PCDH17: variants seen among roughly 807,000 people sequenced by gnomAD.
PCDH17 encodes protocadherin-17.
A neutral mutation model predicts 67.7 loss-of-function variants in PCDH17; 21 were observed. The observed-to-expected ratio is 0.31, with a 90% CI of 0.22 to 0.45. PCDH17 has a LOEUF of 0.45. PCDH17 is among the 20% of genes least tolerant of loss of function. The probability of loss-of-function intolerance (pLI) is 1.00; values close to 1 mark genes in which losing one functional copy is unlikely to be tolerated. For missense variants in PCDH17, 1,471 were observed against 1,564.8 expected (o/e 0.94, Z 1.01); for synonymous variants, 701 against 656.7 (o/e 1.07, Z -1.03).
At chr13:57,670,225 T>C (rs1955302912) in intron 3 of PCDH17, among the ~76,000 whole-genome samples, 1 of 151,966 alleles carries the variant, frequency 6.6e-6, no homozygotes, top group South Asian at 2.1e-4. Context: ...ATCAATGTAT[T>C]TATTTATTCT....
At chr13:57,722,490 G>T in intron 3 of PCDH17, among the ~76,000 whole-genome samples, 1 of 152,036 alleles carries the variant, frequency 6.6e-6, no homozygotes. Flanking sequence ...TTGTTGAAAT[G>T]ATTTTTTTAA....
At chr13:57,714,232 G>A (rs955630999) in intron 3 of PCDH17, among the ~76,000 whole-genome samples, 2 of 151,566 alleles carry the variant, frequency 1.3e-5, no homozygotes, top group African/African-American at 2.4e-5. Context: ...CTTGTTTCTA[G>A]CAATGGAAAA....
At chr13:57,661,506 G>T (rs1955183473) in intron 1 of PCDH17, among the ~76,000 whole-genome samples, 1 of 152,158 alleles carries the variant, frequency 6.6e-6, no homozygotes, top group East Asian at 1.9e-4. Context: ...ATCATGCTTT[G>T]ATATTGTCTA....
intron 1 of PCDH17, among the ~76,000 whole-genome samples, chr13:57,659,435 A>G (rs1203540058): frequency 6.6e-6 from 1 of 152,038 alleles, no homozygotes; most frequent in East Asian, 1.9e-4. Flanking sequence ...TTTACCATAC[A>G]CTCATCCAGT....
chr13:57,724,622 G>C lies in PCDH17; in HGVS notation c.2808G>C (p.Glu936Asp). The stretch of plus-strand genomic sequence containing the variant: ...TCTTTTGTTTTGCAGAACCAGAAGA[G>C]TGTGTTAATTGCACAGATGAATGCC... ...KSQPLEQEPEECVNCTDECRV... is the reference protein window; with the variant it reads ...KSQPLEQEPEDCVNCTDECRV... Residue 936 changes from glutamate to aspartate, a missense_variant, in exon 4 of 4, where the codon GAG (glutamate) becomes GAC (aspartate). Glu to Asp is a conservative substitution (Grantham distance 45, BLOSUM62 2). Coordinates refer to ENST00000377918, the MANE Select transcript of PCDH17 (RefSeq NM_001040429.3). 2 of 1,609,714 alleles carry C rather than the reference G, an allele frequency of 1.2e-6. No individual in the cohort carries two copies. Among genetic ancestry groups the C allele is most frequent in the Non-Finnish European group, 1.7e-6 (2 of 1,176,434 alleles).
Position 57,725,461 on chromosome 13 carries a change from A to T in PCDH17, c.*167A>T. 1.7e-6 allele frequency: 1 copy of T among 571,832 alleles called. No homozygotes were observed. Among genetic ancestry groups the T allele is most frequent in the Non-Finnish European group, 3.0e-6 (1 of 333,926 alleles). 35.4% of individuals were successfully genotyped at this position (571,832 alleles called of 1,614,324 possible). On this transcript the variant is annotated 3_prime_UTR_variant, in exon 4 of 4. Coordinates refer to ENST00000377918, the MANE Select transcript of PCDH17 (RefSeq NM_001040429.3). Reference sequence around the variant, plus strand: ...CACAAGTATGTTCTTTCCACTGCTGATTTCTTTTTCAGAGATAACAATGGT... The same window carrying T: ...CACAAGTATGTTCTTTCCACTGCTGTTTTCTTTTTCAGAGATAACAATGGT...
At chr13:57,693,436 A>C (rs1955579313) in intron 3 of PCDH17, among the ~76,000 whole-genome samples, 1 of 147,410 alleles carries the variant, frequency 6.8e-6, no homozygotes, top group African/African-American at 2.5e-5. Flanking sequence ...GCTCTTTCAT[A>C]CTTTGTTTTT....
chr13:57,639,628 T>C (rs1009083699), intron 1 of PCDH17, among the ~76,000 whole-genome samples: 4 of 151,970 alleles, frequency 2.6e-5, no homozygotes, highest in African/African-American at 9.6e-5. Flanking sequence ...CATTCTTGTA[T>C]TGAGATTATA....
chr13:57,713,043 T>G (rs1955789901), intron 3 of PCDH17, among the ~76,000 whole-genome samples: 1 of 151,672 alleles, frequency 6.6e-6, no homozygotes, highest in Non-Finnish European at 1.5e-5. Context: ...TTATCTTTAC[T>G]GTGATTCAGA....
At chr13:57,713,708 A>G (rs1484877119) in intron 3 of PCDH17, among the ~76,000 whole-genome samples, 2 of 151,518 alleles carry the variant, frequency 1.3e-5, no homozygotes, top group Non-Finnish European at 1.5e-5. Context: ...CATATTTATT[A>G]TTATTTTTCT....
At position 57,633,464 on chromosome 13, in the gene PCDH17, G is replaced by A. The variant is rs751466207; in HGVS notation, c.918G>A (p.Lys306=). 6 of 1,613,782 alleles carry A rather than the reference G, an allele frequency of 3.7e-6. No homozygotes were observed. Among genetic ancestry groups the A allele is most frequent in the South Asian group, 2.2e-5 (2 of 91,084 alleles). The change falls in exon 1 of 4, where the codon AAG becomes AAA. Residue 306 remains lysine, a synonymous_variant. Transcript: ENST00000377918. The surrounding 1 kb of genome is among the most constrained non-coding windows in gnomAD (Gnocchi z 6.2). ...CCAAGACCGGCCTAATCCGTGTGAA[G>A]GGCAATCTGGACTATGAGGAAAACG... ...IDPKTGLIRV[K]GNLDYEENGM...
chr13:57,707,609 T>C (rs368740091), intron 3 of PCDH17, among the ~76,000 whole-genome samples: 6 of 152,072 alleles, frequency 3.9e-5, no homozygotes, highest in African/African-American at 1.4e-4. Flanking sequence ...TTAGTAATGG[T>C]TTTCTAGGGC....
At chr13:57,692,088 C>T (rs6561938) in intron 3 of PCDH17, among the ~76,000 whole-genome samples, 117,997 of 150,908 alleles carry the variant, frequency 0.78, 46,801 homozygotes, top group African/African-American at 0.92. Flanking sequence ...TTTCATGGGG[C>T]AGGCTGATAA....
chr13:57,658,890 C>T (rs1157501961), intron 1 of PCDH17, among the ~76,000 whole-genome samples: 3 of 152,118 alleles, frequency 2.0e-5, no homozygotes, highest in African/African-American at 7.2e-5. Context: ...AGCGATTCCC[C>T]TGCCTCAGCC....
chr13:57,660,555 A>G (rs1278527159), intron 1 of PCDH17, among the ~76,000 whole-genome samples: 1 of 152,238 alleles, frequency 6.6e-6, no homozygotes, highest in Non-Finnish European at 1.5e-5. Context: ...AATTAATTAC[A>G]GTAATGTGAA....
At chr13:57,664,057 C>T (rs892854503) in intron 1 of PCDH17, among the ~76,000 whole-genome samples, 4 of 152,012 alleles carry the variant, frequency 2.6e-5, no homozygotes, top group African/African-American at 7.2e-5. Flanking sequence ...GGCGCCACCA[C>T]ACCTGGCTAA....
At chr13:57,673,196 T>C (rs1323647942) in intron 3 of PCDH17, among the ~76,000 whole-genome samples, 4 of 151,956 alleles carry the variant, frequency 2.6e-5, no homozygotes. Context: ...GGGAAGTTCC[T>C]TTAGATCCTC....
At chr13:57,654,157 TC>T (rs1252959719) in intron 1 of PCDH17, among the ~76,000 whole-genome samples, 1 of 152,132 alleles carries the variant, frequency 6.6e-6, no homozygotes, top group Non-Finnish European at 1.5e-5. Context: ...ACCTAGATTT[TC>T]TAAGTAAGGA....
intron 1 of PCDH17, among the ~76,000 whole-genome samples, chr13:57,652,505 T>C (rs1043496375): frequency 6.6e-6 from 1 of 152,184 alleles, no homozygotes; most frequent in Non-Finnish European, 1.5e-5. Context: ...CAAAGTAAAC[T>C]CTAAAGTAGA....
Sources: allele counts gnomAD v4.1 joint callset (sites outside exome capture counted in the v4.1 genomes callset), GRCh38; gene constraint gnomAD v4.1.1; non-coding constraint Gnocchi (gnomAD v3.1); transcripts MANE v1.5; gene names NCBI Gene and HGNC (gene_info 2026-07-23, HGNC 2026-07-21).